The following ANTXR1 variants were observed in gnomAD, a reference collection of about 807,000 sequenced individuals.
The protein encoded by ANTXR1 is anthrax toxin receptor 1.
Under a neutral mutation model 78.1 loss-of-function variants are expected in ANTXR1, and 19 were observed. The ratio of observed to expected loss-of-function variants is 0.24; its 90% CI spans 0.17 to 0.36. The LOEUF (loss-of-function observed/expected upper bound fraction) is 0.36. Among genes scored for constraint, ANTXR1 ranks in the 10% least tolerant of loss-of-function variants. The pLI is 1.00. For missense variants in ANTXR1, 518 were observed against 718.6 expected (o/e 0.72, Z 3.19); for synonymous variants, 273 against 260.5 (o/e 1.05, Z -0.46).
At chr2:69,156,925 C>A (rs1272637233) in intron 13 of ANTXR1, among the ~76,000 whole-genome samples, 1 of 152,206 alleles carries the variant, frequency 6.6e-6, no homozygotes, top group Non-Finnish European at 1.5e-5. Context: ...CGGATCCAAC[C>A]CATGTTAATC....
rs553483217 is a variant in ANTXR1, at chr2:69,205,024, G to A, written c.1434+11609G>A. Among the ~76,000 whole-genome samples, 8 of 152,288 alleles carry A rather than the reference G, an allele frequency of 5.3e-5. No homozygotes were observed. The South Asian group carries it at 1.7e-3, about 32-fold the overall frequency. The stretch of plus-strand genomic sequence containing the variant: ...AGCAGGCACCAAGCTAGGCAGTGGG[G>A]ATTTAGCATGAACAAGGCGAGATCC... On this transcript the variant is annotated intron_variant, in intron 17 of 17. Transcript: ENST00000303714.
intron 13 of ANTXR1, among the ~76,000 whole-genome samples, chr2:69,157,061 C>T (rs1673547149): frequency 6.6e-6 from 1 of 152,210 alleles, no homozygotes; most frequent in South Asian, 2.1e-4. Context: ...GCACCCTGAG[C>T]ACCATTGCCA....
At chr2:69,103,010 T>G (rs1215100552) in intron 10 of ANTXR1, 70 bp downstream of exon 10, 1 of 1,426,884 alleles carries the variant, frequency 7.0e-7, no homozygotes, top group Non-Finnish European at 9.9e-7. Context: ...CACCCTTGTC[T>G]TCCAGCAAGG....
chr2:69,109,830 G>C (rs1278285558), intron 10 of ANTXR1, among the ~76,000 whole-genome samples: 1 of 152,118 alleles, frequency 6.6e-6, no homozygotes, highest in Non-Finnish European at 1.5e-5. Flanking sequence ...AGAAAAATTT[G>C]AATGTTTGAG....
intron 17 of ANTXR1, among the ~76,000 whole-genome samples, chr2:69,205,977 A>G (rs1674889271): frequency 6.6e-6 from 1 of 152,220 alleles, no homozygotes. Flanking sequence ...CACTTTACAA[A>G]TTCGTTCCTA....
intron 10 of ANTXR1, among the ~76,000 whole-genome samples, chr2:69,106,691 C>G (rs537609077): frequency 6.6e-6 from 1 of 152,192 alleles, no homozygotes; most frequent in South Asian, 2.1e-4. Context: ...AAAATGTGTC[C>G]GTGATCTTCC....
intron 17 of ANTXR1, among the ~76,000 whole-genome samples, chr2:69,242,375 C>G (rs1026074343): frequency 3.3e-5 from 5 of 152,084 alleles, no homozygotes; most frequent in African/African-American, 9.7e-5. Context: ...TTTGAAAACC[C>G]CTGGGAATCC....
At chr2:69,035,545 A>G (rs538005674) in intron 1 of ANTXR1, among the ~76,000 whole-genome samples, 1 of 152,182 alleles carries the variant, frequency 6.6e-6, no homozygotes, top group Non-Finnish European at 1.5e-5. Context: ...AGAGAAGACA[A>G]ACCCAGTTTG....
intron 17 of ANTXR1, among the ~76,000 whole-genome samples, chr2:69,203,464 C>G (rs1674822082): frequency 6.6e-6 from 1 of 152,184 alleles, no homozygotes; most frequent in African/African-American, 2.4e-5. Flanking sequence ...CAAAAACCAA[C>G]TGTACCCAAA....
chr2:69,095,501 A>G (rs1465345394), intron 9 of ANTXR1, among the ~76,000 whole-genome samples: 1 of 152,268 alleles, frequency 6.6e-6, no homozygotes, highest in East Asian at 1.9e-4. Flanking sequence ...AAGTCATCAC[A>G]GAGACTGAGG....
At chr2:69,041,797 A>G (rs1558739278) in intron 2 of ANTXR1, among the ~76,000 whole-genome samples, 1 of 152,282 alleles carries the variant, frequency 6.6e-6, no homozygotes, top group South Asian at 2.1e-4. Context: ...CCCTTGCTTT[A>G]TAGATGAAGA....
At chr2:69,196,441 A>C (rs561322385) in intron 17 of ANTXR1, among the ~76,000 whole-genome samples, 1 of 152,382 alleles carries the variant, frequency 6.6e-6, no homozygotes, top group Non-Finnish European at 1.5e-5. Context: ...ATGGAGTTAC[A>C]CAAGAAAGGT....
At chr2:69,202,995 A>G (rs1674811504) in intron 17 of ANTXR1, among the ~76,000 whole-genome samples, 1 of 152,192 alleles carries the variant, frequency 6.6e-6, no homozygotes, top group Admixed American at 6.5e-5. Context: ...GAATTATTTT[A>G]TGTTCAAACC....
chr2:69,031,228 A>ACCTGTGCAGTCAGCCACCCAATGC (rs1267246055), intron 1 of ANTXR1, among the ~76,000 whole-genome samples: 3 of 152,116 alleles, frequency 2.0e-5, no homozygotes, highest in African/African-American at 7.2e-5. Context: ...TGGGCATGGG[A>ACCTGTGCAGTCAGCCACCCAATGC]CCTGTGCAGT....
At chr2:69,145,999 T>A in intron 12 of ANTXR1, 1 of 985,438 alleles carries the variant, frequency 1.0e-6, no homozygotes, top group Non-Finnish European at 1.2e-6. Context: ...TTTTGTGAGT[T>A]GGGAGCAGAG....
chr2:69,118,978 G>C (rs1277195006), intron 10 of ANTXR1, among the ~76,000 whole-genome samples: 1 of 152,152 alleles, frequency 6.6e-6, no homozygotes, highest in Non-Finnish European at 1.5e-5. Flanking sequence ...ACACTCGGAT[G>C]GAGGAAGGTC....
In ANTXR1 at chr2:69,036,958, T is replaced by A. The variant is rs1669452623; in HGVS notation, c.153-3086T>A. On this transcript the variant is annotated intron_variant, in intron 1 of 17. Transcript: ENST00000303714. Reference sequence around the variant, plus strand: ...GTCCAGGAGGATGGCCAGGTCTTTATGAAAGAAGATTTCTAAAGCTTTAAG... The same window carrying A: ...GTCCAGGAGGATGGCCAGGTCTTTAAGAAAGAAGATTTCTAAAGCTTTAAG... 2.0e-5 allele frequency among the ~76,000 whole-genome samples: 3 copies of A among 152,188 alleles called. No homozygotes were observed. The South Asian group carries it at 6.2e-4, about 31-fold the overall frequency.
intron 10 of ANTXR1, among the ~76,000 whole-genome samples, chr2:69,116,792 T>G (rs1672157363): frequency 6.6e-6 from 1 of 152,230 alleles, no homozygotes. Flanking sequence ...AAATAAATAT[T>G]TATAACAAGA....
chr2:69,238,233 C>G (rs1675817681), intron 17 of ANTXR1, among the ~76,000 whole-genome samples: 1 of 152,174 alleles, frequency 6.6e-6, no homozygotes, highest in Admixed American at 6.5e-5. Flanking sequence ...CTGGTCCAAT[C>G]AACTGTGGCC....
Sources: allele counts gnomAD v4.1 joint callset (sites outside exome capture counted in the v4.1 genomes callset), GRCh38; gene constraint gnomAD v4.1.1; transcripts MANE v1.5; gene names NCBI Gene and HGNC (gene_info 2026-07-23, HGNC 2026-07-21).